LRP1B: variants seen among roughly 807,000 people sequenced by gnomAD.
LRP1B encodes the protein LDL receptor related protein 1B, also known as low-density lipoprotein receptor-related protein 1B.
In LRP1B, 217 loss-of-function variants were observed where a neutral mutation model predicts 556.6. The ratio of observed to expected loss-of-function variants is 0.39; its 90% CI spans 0.35 to 0.44. LRP1B has a LOEUF of 0.44. Among genes scored for constraint, LRP1B ranks in the 20% least tolerant of loss-of-function variants. LRP1B has a pLI of 1.00. For missense variants in LRP1B, 5,053 were observed against 5,620.8 expected, an observed-to-expected ratio of 0.90 and a Z score of 3.23; for synonymous variants, 2,047 against 1,865.8, an observed-to-expected ratio of 1.10 and a Z score of -2.50.
chr2:142,117,532 C>T (rs899988604), intron 1 of LRP1B, among the ~76,000 whole-genome samples: 8 of 152,032 alleles, frequency 5.3e-5, no homozygotes, highest in Non-Finnish European at 1.0e-4. Context: ...CATAGTAAAC[C>T]ACAGGCTGTT....
intron 7 of LRP1B, among the ~76,000 whole-genome samples, chr2:141,132,597 A>G (rs1358343037): frequency 6.6e-6 from 1 of 152,066 alleles, no homozygotes; most frequent in Admixed American, 6.6e-5. Context: ...AAAATCTAAT[A>G]TAATCTCACT....
intron 43 of LRP1B, among the ~76,000 whole-genome samples, chr2:140,571,832 T>G (rs1358522536): frequency 6.6e-6 from 1 of 151,754 alleles, no homozygotes; most frequent in Admixed American, 6.6e-5. Context: ...ACAGATAACT[T>G]AAAAATAAAG....
chr2:140,769,776 T>C (rs1008162377), intron 34 of LRP1B, among the ~76,000 whole-genome samples: 5 of 151,996 alleles, frequency 3.3e-5, no homozygotes, highest in Non-Finnish European at 4.4e-5. Context: ...TTATATATGA[T>C]AATAAACCTG....
At chr2:141,055,327 A>G (rs532538973) in intron 9 of LRP1B, 68 bp from the exon 10 acceptor site, 17 of 1,526,402 alleles carry the variant, frequency 1.1e-5, no homozygotes, top group Admixed American at 2.0e-5. Flanking sequence ...GTGCATCAGT[A>G]TGTCAAAATT....
intron 20 of LRP1B, among the ~76,000 whole-genome samples, chr2:140,949,938 CAAAAAA>C (rs67201185): frequency 1.4e-4 from 2 of 14,280 alleles, no homozygotes; most frequent in African/African-American, 3.0e-4. Flanking sequence ...GACTCCGTCT[CAAAAAA>C]AAAAAAAAAA....
intron 32 of LRP1B, among the ~76,000 whole-genome samples, chr2:140,779,845 A>G (rs1689637074): frequency 6.6e-6 from 1 of 151,638 alleles, no homozygotes; most frequent in Non-Finnish European, 1.5e-5. Flanking sequence ...TTTCTTAAAC[A>G]GAAACTGAAA....
At chr2:141,311,095 C>T (rs776483999) in intron 3 of LRP1B, among the ~76,000 whole-genome samples, 1 of 152,132 alleles carries the variant, frequency 6.6e-6, no homozygotes, top group Non-Finnish European at 1.5e-5. Context: ...TATAGGAATT[C>T]TTGGCTCTAA....
intron 6 of LRP1B, 29 bp from the exon 7 acceptor site, chr2:141,188,612 A>C (rs2105194201): frequency 6.3e-7 from 1 of 1,599,396 alleles, no homozygotes; most frequent in Non-Finnish European, 8.6e-7. Context: ...AAATCATTGA[A>C]TCACAGGTGC....
At chr2:141,641,385 G>T (rs1307023842) in intron 2 of LRP1B, among the ~76,000 whole-genome samples, 1 of 151,968 alleles carries the variant, frequency 6.6e-6, no homozygotes, top group Non-Finnish European at 1.5e-5. Flanking sequence ...TTGAAAAGGG[G>T]TGACTATACA....
chr2:140,242,995 G>A (rs1260792228), intron 87 of LRP1B, among the ~76,000 whole-genome samples: 9 of 151,050 alleles, frequency 6.0e-5, no homozygotes, highest in East Asian at 2.0e-4. Flanking sequence ...CCATAGCCAG[G>A]TGGATTGGCT....
intron 2 of LRP1B, among the ~76,000 whole-genome samples, chr2:141,787,407 A>G (rs1695460933): frequency 6.6e-6 from 1 of 151,994 alleles, no homozygotes; most frequent in African/African-American, 2.4e-5. Flanking sequence ...CAATTCATCA[A>G]TACAAAGAAT....
chr2:140,488,152 G>T (rs965708263), intron 57 of LRP1B, among the ~76,000 whole-genome samples: 1 of 151,892 alleles, frequency 6.6e-6, no homozygotes, highest in Non-Finnish European at 1.5e-5. Context: ...AATTGAAAAG[G>T]TAGATCATCT....
At chr2:140,624,118 T>C (rs1253493165) in intron 41 of LRP1B, among the ~76,000 whole-genome samples, 1 of 151,940 alleles carries the variant, frequency 6.6e-6, no homozygotes, top group Non-Finnish European at 1.5e-5. Flanking sequence ...ACTGAACCCA[T>C]TACAAAGGTT....
intron 7 of LRP1B, among the ~76,000 whole-genome samples, chr2:141,142,576 A>G (rs1701680941): frequency 6.6e-6 from 1 of 152,188 alleles, no homozygotes; most frequent in East Asian, 1.9e-4. Flanking sequence ...GAAAGCAATG[A>G]TTAGAAAAAA....
At chr2:140,671,925 A>C (rs776752388) in intron 41 of LRP1B, among the ~76,000 whole-genome samples, 18 of 152,190 alleles carry the variant, frequency 1.2e-4, no homozygotes, top group Admixed American at 2.0e-4. Context: ...TTCCATACCA[A>C]GGTCCTCAAA....
chr2:142,028,834 A>G (rs1361512085), intron 1 of LRP1B, among the ~76,000 whole-genome samples: 1 of 151,794 alleles, frequency 6.6e-6, no homozygotes, highest in Non-Finnish European at 1.5e-5. Flanking sequence ...TGATGTCAAC[A>G]TTTTCCCCCT....
intron 31 of LRP1B, among the ~76,000 whole-genome samples, chr2:140,835,333 A>G (rs1691862663): frequency 6.6e-6 from 1 of 152,174 alleles, no homozygotes; most frequent in South Asian, 2.1e-4. Context: ...TATTACAGAT[A>G]TGACAGAGAA....
At chr2:141,663,661 A>G (rs538261134) in intron 2 of LRP1B, among the ~76,000 whole-genome samples, 1 of 152,284 alleles carries the variant, frequency 6.6e-6, no homozygotes, top group African/African-American at 2.4e-5. Context: ...CCCTGAATAG[A>G]TCAATTACAA....
chr2:140,359,021 TTTA>T, intron 72 of LRP1B, 75 bp from the exon 73 acceptor site: 1 of 1,430,294 alleles, frequency 7.0e-7, no homozygotes, highest in Non-Finnish European at 9.4e-7. Context: ...TCCTTTTTCT[TTTA>T]TTCTTTTCAA....
Sources: allele counts gnomAD v4.1 joint callset (sites outside exome capture counted in the v4.1 genomes callset), GRCh38; gene constraint gnomAD v4.1.1; transcripts MANE v1.5; gene names NCBI Gene and HGNC (gene_info 2026-07-23, HGNC 2026-07-21).